Variants in PCDHGB7 observed in about 807,000 individuals in gnomAD.
PCDHGB7 encodes the protein protocadherin gamma-B7.
In PCDHGB7, 37 loss-of-function variants were observed where a neutral mutation model predicts 61.4. The observed-to-expected ratio is 0.60, with a 90% CI of 0.46 to 0.79. The LOEUF is 0.79. PCDHGB7 is among the 30% of genes least tolerant of loss of function. The pLI, the probability that PCDHGB7 is intolerant of heterozygous loss-of-function variation, is 0.00. For synonymous variants in PCDHGB7, 464 were observed against 503.5 expected (o/e 0.92, Z 1.05); for missense variants, 1,166 against 1,202.5 (o/e 0.97, Z 0.45).
intron 1 of PCDHGB7, 65 bp downstream of exon 1, chr5:141,420,339 T>C: frequency 7.2e-7 from 1 of 1,395,458 alleles, no homozygotes; most frequent in Non-Finnish European, 9.6e-7. Context: ...TCCAATATAG[T>C]GGTATTATTT....
At chr5:141,434,535 A>G (rs939961995) in intron 1 of PCDHGB7, among the ~76,000 whole-genome samples, 1 of 152,230 alleles carries the variant, frequency 6.6e-6, no homozygotes, top group African/African-American at 2.4e-5. Flanking sequence ...ACCACAAACA[A>G]TAGCATGAGT....
rs1257423360 is a variant in PCDHGB7 at position 141,419,359 on chromosome 5, G to C, written c.1500G>C (p.Thr500=). 1 of 1,613,796 alleles carries C rather than the reference G, an allele frequency of 6.2e-7. No homozygotes were observed. ...TTGCCAGCGACCTGGAGTCACGAAC[G>C]CTGTCGTCCTACGTGTCCGTGAGCG... The part of the protein sequence containing the change: ...SLIASDLESR[T]LSSYVSVSAQ... The change falls in exon 1 of 4, where the codon ACG becomes ACC. Residue 500 remains threonine, a synonymous_variant. Coordinates refer to ENST00000398594, the MANE Select transcript of PCDHGB7 (RefSeq NM_018927.4).
At chr5:141,441,527 A>G (rs2098252922) in intron 1 of PCDHGB7, 2 of 173,076 alleles carry the variant, frequency 1.2e-5, no homozygotes, top group African/African-American at 2.4e-5. Flanking sequence ...GTGGCCAAGA[A>G]CAATCTTCCC....
At chr5:141,427,770 C>T (rs775095791) in intron 1 of PCDHGB7, 2 of 1,399,194 alleles carry the variant, frequency 1.4e-6, no homozygotes, top group Non-Finnish European at 2.0e-6. Context: ...TGACTTGGAG[C>T]TGCGGGCACT....
intron 1 of PCDHGB7, among the ~76,000 whole-genome samples, chr5:141,450,112 T>G (rs2098669735): frequency 6.6e-6 from 1 of 150,618 alleles, no homozygotes; most frequent in Non-Finnish European, 1.5e-5. Context: ...GTTCAAATGA[T>G]TCTCCTGCCT....
chr5:141,504,224 C>T (rs2099836716), intron 2 of PCDHGB7, among the ~76,000 whole-genome samples: 2 of 152,160 alleles, frequency 1.3e-5, no homozygotes, highest in African/African-American at 4.8e-5. Flanking sequence ...TAGAGCTGAA[C>T]CTTCTAAGAA....
chr5:141,496,467 T>A (rs1334392771), intron 2 of PCDHGB7, among the ~76,000 whole-genome samples: 1 of 152,056 alleles, frequency 6.6e-6, no homozygotes, highest in Non-Finnish European at 1.5e-5. Context: ...GAGTTATCTT[T>A]CCCCCATCCT....
chr5:141,419,208 C>G lies in PCDHGB7; in HGVS notation c.1349C>G (p.Pro450Arg). The stretch of plus-strand genomic sequence containing the variant: ...ATTACTGACGTCAATGACAACGCGC[C>G]GGTTTTCGGACAGTCAGCCTACCTG... Reference protein sequence around the residue: ...LHITDVNDNAPVFGQSAYLVH... With the variant: ...LHITDVNDNARVFGQSAYLVH... The change falls in exon 1 of 4, where the codon CCG becomes CGG. Residue 450 changes from proline (P) to arginine (R), a missense_variant. By Grantham distance (103) the Pro-to-Arg change is moderately radical (BLOSUM62 -2). Coordinates refer to ENST00000398594, the MANE Select transcript of PCDHGB7 (RefSeq NM_018927.4). The G allele has an allele frequency of 5.6e-6, 9 of 1,613,966 alleles. No homozygotes were observed. The highest frequency in any genetic ancestry group is 6.8e-6 in the Non-Finnish European group (8 of 1,179,884).
intron 1 of PCDHGB7, among the ~76,000 whole-genome samples, chr5:141,482,799 C>T (rs933003208): frequency 6.6e-6 from 1 of 152,086 alleles, no homozygotes; most frequent in Non-Finnish European, 1.5e-5. Flanking sequence ...TGGCCGGGTA[C>T]GGTGGCTCAT....
At chr5:141,459,846 A>G (rs945742948) in intron 1 of PCDHGB7, among the ~76,000 whole-genome samples, 1 of 152,170 alleles carries the variant, frequency 6.6e-6, no homozygotes, top group Admixed American at 6.5e-5. Context: ...CTATTTGTAT[A>G]TCTTCTTGAA....
Position 141,418,262 on chromosome 5 carries a change from A to G in PCDHGB7, c.403A>G (p.Lys135Glu). Residue 135 changes from lysine to glutamate, a missense_variant, in exon 1 of 4, where the codon AAA becomes GAA. Transcript: ENST00000398594. Reference sequence around the variant, plus strand: ...TAATGACCACGCCCCTCAATTCCGGAAAGATGAAATAAACTTAGAAATCAG... The same window carrying G: ...TAATGACCACGCCCCTCAATTCCGGGAAGATGAAATAAACTTAGAAATCAG... ...DVNDHAPQFR[K>E]DEINLEISES... is the part of the protein sequence containing the mutation. 2 of 1,614,068 alleles carry G rather than the reference A, an allele frequency of 1.2e-6. No homozygotes were observed. The highest frequency in any genetic ancestry group is 1.7e-6 in the Non-Finnish European group (2 of 1,179,902).
rs539727453 is a variant in PCDHGB7 at position 141,487,510 on chromosome 5, C to G, written c.2416-7297C>G. ...GCTGTACACCCTTGGCTTCTGCACC[C>G]ACTCGGAGTGATAGCTTCATGATGG... On this transcript the variant is annotated intron_variant, in intron 1 of 3. Coordinates refer to ENST00000398594, the MANE Select transcript of PCDHGB7 (RefSeq NM_018927.4). This position sits in a 1 kb window ranked among gnomAD's most constrained non-coding sequence, Gnocchi z 5.0. The G allele has an allele frequency of 2.5e-6, 4 of 1,614,210 alleles. No homozygotes were observed. The highest frequency in any genetic ancestry group is 2.2e-5 in the East Asian group (1 of 44,860).
intron 1 of PCDHGB7, chr5:141,424,567 A>T (rs1034112526): frequency 3.3e-5 from 5 of 152,176 alleles, no homozygotes; most frequent in African/African-American, 7.2e-5. Flanking sequence ...CTTCTCAAAA[A>T]CCTATTTTCA....
At position 141,477,167 on chromosome 5, in the gene PCDHGB7, G is replaced by A; in HGVS notation, c.2416-17640G>A. On this transcript the variant is annotated intron_variant, in intron 1 of 3. Coordinates refer to ENST00000398594, the MANE Select transcript of PCDHGB7 (RefSeq NM_018927.4). This position sits in a 1 kb window ranked among gnomAD's most constrained non-coding sequence, Gnocchi z 4.9. ...TGTGGATGTGAATGACAACGCCCCGGAGATCACAGTCACCTCCGTGTACAG... is the reference window on the plus strand; with the variant it reads ...TGTGGATGTGAATGACAACGCCCCGAAGATCACAGTCACCTCCGTGTACAG... 6.2e-7 allele frequency: 1 copy of A among 1,614,166 alleles called. No homozygotes were observed. Among genetic ancestry groups the A allele is most frequent in the South Asian group, 1.1e-5 (1 of 91,076 alleles).
Position 141,491,663 on chromosome 5 carries a change from T to G in PCDHGB7, c.2416-3144T>G, listed in dbSNP as rs895604632. ...GCTCTGGCGCTGGAGCCTGACGCCA[T>G]CCGGTCCCGCTCTAATACGCTGCGG... On this transcript the variant is annotated intron_variant, in intron 1 of 3. Coordinates refer to ENST00000398594, the MANE Select transcript of PCDHGB7 (RefSeq NM_018927.4). The surrounding 1 kb of genome is among the most constrained non-coding windows in gnomAD (Gnocchi z 6.9). The G allele has an allele frequency of 3.1e-6, 5 of 1,613,650 alleles. No homozygotes were observed. Among genetic ancestry groups the G allele is most frequent in the Non-Finnish European group, 4.2e-6 (5 of 1,180,014 alleles).
At chr5:141,441,308 C>T (rs984341964) in intron 1 of PCDHGB7, 2 of 152,164 alleles carry the variant, frequency 1.3e-5, no homozygotes, top group African/African-American at 2.4e-5. Flanking sequence ...TAAGAAAATG[C>T]ACCTTGAGAA....
rs959855220 is a variant in PCDHGB7, at chr5:141,476,280, G to A, written c.2416-18527G>A. 4 of 1,614,010 alleles carry A rather than the reference G, an allele frequency of 2.5e-6. No individual in the cohort carries two copies. In the African/African-American group the frequency reaches 5.3e-5, roughly 22 times the overall value. On this transcript the variant is annotated intron_variant, in intron 1 of 3. Transcript: ENST00000398594. This position sits in a 1 kb window ranked among gnomAD's most constrained non-coding sequence, Gnocchi z 7.6. ...GTGGGCAACGTGGTCGCGAACCTTG[G>A]TTTGGATCTCGGTAGCCTCTCAGCC...
At position 141,487,667 on chromosome 5, in the gene PCDHGB7, ATATGGCTAGGCCATG is replaced by A; in HGVS notation, c.2416-7138_2416-7124del. 1.9e-6 allele frequency: 3 copies of A among 1,612,782 alleles called. No individual in the cohort carries two copies. In the South Asian group the frequency reaches 3.3e-5, roughly 18 times the overall value. ...GCTTGAGGGTTATTCTGATCCAGGC[ATATGGCTAGGCCATG>A]TCCTAGAGAGTACTGGCCTCTCAGT... On this transcript the variant is annotated intron_variant, in intron 1 of 3. Transcript: ENST00000398594. The surrounding 1 kb of genome is among the most constrained non-coding windows in gnomAD (Gnocchi z 5.0).
chr5:141,500,520 T>TA (rs2099801149), intron 2 of PCDHGB7, among the ~76,000 whole-genome samples: 2 of 152,312 alleles, frequency 1.3e-5, no homozygotes, highest in Admixed American at 1.3e-4. Flanking sequence ...AGCTTCATTT[T>TA]AAAAAAATCT....
Sources: allele counts gnomAD v4.1 joint callset (sites outside exome capture counted in the v4.1 genomes callset), GRCh38; gene constraint gnomAD v4.1.1; non-coding constraint Gnocchi (gnomAD v3.1); transcripts MANE v1.5; gene names NCBI Gene and HGNC (gene_info 2026-07-23, HGNC 2026-07-21).